Variants in ANO3 observed in about 807,000 individuals in gnomAD.
ANO3 encodes the protein anoctamin-3.
ANO3 carries 99 observed loss-of-function variants against 144.8 expected under a neutral mutation model. The ratio of observed to expected loss-of-function variants is 0.68; its 90% CI spans 0.58 to 0.81. The LOEUF (loss-of-function observed/expected upper bound fraction) is 0.81. Ranked by LOEUF, ANO3 falls within the 30% of genes least tolerant of loss-of-function variation. ANO3 has a pLI of 0.00. For missense variants in ANO3, 905 were observed against 1,202.2 expected (o/e 0.75, Z 3.66); for synonymous variants, 414 against 392.6 (o/e 1.05, Z -0.64).
At chr11:26,502,094 C>T (rs894269635) in intron 4 of ANO3, among the ~76,000 whole-genome samples, 3 of 152,134 alleles carry the variant, frequency 2.0e-5, no homozygotes, top group African/African-American at 7.2e-5. Flanking sequence ...ACATCAATGC[C>T]ATTTGCATTA....
At chr11:26,189,237 G>A (rs985561135) in exon 1 of ANO3, 8 of 985,236 alleles carry the variant, frequency 8.1e-6, no homozygotes, top group Admixed American at 1.2e-4. Context: ...ACATGAGCAC[G>A]CTTCCAACTC....
At chr11:26,588,944 G>A (rs1851364544) in intron 14 of ANO3, among the ~76,000 whole-genome samples, 1 of 152,128 alleles carries the variant, frequency 6.6e-6, no homozygotes. Flanking sequence ...AATTTTTCCT[G>A]CAGACAATAA....
At chr11:26,534,305 A>G (rs1462749202) in intron 8 of ANO3, 151 bp from the exon 9 acceptor site, 1 of 546,746 alleles carries the variant, frequency 1.8e-6, no homozygotes, top group Non-Finnish European at 3.3e-6. Flanking sequence ...ATTATTTATG[A>G]ATTCTTTTTC....
intron 3 of ANO3, among the ~76,000 whole-genome samples, chr11:26,453,163 T>C (rs1246584873): frequency 1.3e-5 from 2 of 152,292 alleles, no homozygotes; most frequent in Non-Finnish European, 2.9e-5. Context: ...AGGAAGACAC[T>C]GCATCAACTA....
intron 1 of ANO3, among the ~76,000 whole-genome samples, chr11:26,429,091 C>T (rs1446543175): frequency 1.3e-5 from 2 of 152,124 alleles, no homozygotes; most frequent in East Asian, 3.9e-4. Context: ...CATTTCCTCT[C>T]TGGTGCTGGT....
chr11:26,517,641 T>G (rs1231495374), intron 6 of ANO3, among the ~76,000 whole-genome samples: 1 of 152,046 alleles, frequency 6.6e-6, no homozygotes. Context: ...TGCTATGGTT[T>G]TAAAAGGTTC....
intron 13 of ANO3, among the ~76,000 whole-genome samples, chr11:26,558,143 GA>G (rs1256241793): frequency 1.3e-5 from 2 of 151,706 alleles, no homozygotes; most frequent in Admixed American, 6.6e-5. Flanking sequence ...AACCTAGTAA[GA>G]AAAAAAATGA....
intron 4 of ANO3, among the ~76,000 whole-genome samples, chr11:26,470,873 A>G (rs1859757508): frequency 6.6e-6 from 1 of 151,996 alleles, no homozygotes; most frequent in African/African-American, 2.4e-5. Context: ...TGACTGAGCC[A>G]GGATTTAAAA....
intron 1 of ANO3, among the ~76,000 whole-genome samples, chr11:26,397,623 CAT>C (rs1286531096): frequency 6.6e-6 from 1 of 152,034 alleles, no homozygotes; most frequent in Non-Finnish European, 1.5e-5. Flanking sequence ...TGTTTCAAGA[CAT>C]ATAATGTACA....
chr11:26,478,827 G>C (rs571399774), intron 4 of ANO3, among the ~76,000 whole-genome samples: 1 of 152,060 alleles, frequency 6.6e-6, no homozygotes, highest in South Asian at 2.1e-4. Context: ...ACATAAATGA[G>C]GCAAATGACT....
At chr11:26,209,737 G>T (rs1037224774) in intron 1 of ANO3, among the ~76,000 whole-genome samples, 3 of 152,096 alleles carry the variant, frequency 2.0e-5, no homozygotes, top group Non-Finnish European at 4.4e-5. Context: ...TTCTCTAATG[G>T]CCAGAGATGA....
At chr11:26,323,097 G>T (rs1477866697) in intron 1 of ANO3, among the ~76,000 whole-genome samples, 1 of 151,550 alleles carries the variant, frequency 6.6e-6, no homozygotes, top group African/African-American at 2.4e-5. Context: ...CATCAATTTT[G>T]TGTGTGTGTT....
intron 1 of ANO3, among the ~76,000 whole-genome samples, chr11:26,425,078 G>C (rs931451068): frequency 6.7e-6 from 1 of 149,892 alleles, no homozygotes; most frequent in Admixed American, 6.7e-5. Flanking sequence ...TCCCCTTCCT[G>C]TGTCCAAGTG....
intron 21 of ANO3, among the ~76,000 whole-genome samples, chr11:26,640,411 A>G (rs148000557): frequency 7.4e-4 from 113 of 152,310 alleles, no homozygotes; most frequent in Non-Finnish European, 1.5e-3. Flanking sequence ...AAGATGGAGG[A>G]CTGGGGAGCC....
chr11:26,344,646 TGAG>T (rs1234527822), intron 1 of ANO3, among the ~76,000 whole-genome samples: 2 of 152,162 alleles, frequency 1.3e-5, no homozygotes, highest in Admixed American at 6.5e-5. Flanking sequence ...ATTACAGACG[TGAG>T]CCACCCCGCC....
At chr11:26,643,640 A>G (rs1050134247) in intron 23 of ANO3, among the ~76,000 whole-genome samples, 8 of 152,220 alleles carry the variant, frequency 5.3e-5, no homozygotes, top group Admixed American at 2.6e-4. Context: ...CTGTAATCCC[A>G]GCTACTCGGG....
At chr11:26,244,165 A>C (rs1477052317) in intron 1 of ANO3, among the ~76,000 whole-genome samples, 6 of 151,894 alleles carry the variant, frequency 4.0e-5, no homozygotes. Flanking sequence ...AAAAGAAAAA[A>C]TGAGTGTGAT....
intron 3 of ANO3, among the ~76,000 whole-genome samples, chr11:26,449,487 TCACACACACACA>T (rs765372417): frequency 1.1e-4 from 3 of 28,140 alleles, no homozygotes; most frequent in African/African-American, 2.3e-4. Context: ...TCTCTCTCTC[TCACACACACACA>T]CACACACACA....
intron 14 of ANO3, among the ~76,000 whole-genome samples, chr11:26,563,830 A>AACAGTTGT (rs1850401671): frequency 2.0e-5 from 3 of 151,834 alleles, no homozygotes; most frequent in African/African-American, 7.2e-5. Flanking sequence ...GCATATCAAG[A>AACAGTTGT]ACAGTTGTCT....
Sources: gnomAD v4.1 joint callset for allele counts (sites outside exome capture counted in the v4.1 genomes callset) on GRCh38, gnomAD v4.1.1 for gene constraint, MANE v1.5 for transcripts, NCBI Gene and HGNC (gene_info 2026-07-23, HGNC 2026-07-21) for gene names.